The following FLACC1 variants were observed in gnomAD, a reference collection of about 807,000 sequenced individuals.
FLACC1 encodes flagellum associated containing coiled-coil domains 1.
FLACC1 carries 66 observed loss-of-function variants against 62.8 expected under a neutral mutation model. The observed-to-expected ratio is 1.05, with a 90% CI of 0.86 to 1.29. FLACC1 has a LOEUF of 1.29. FLACC1 is among the 50% of genes most tolerant of loss of function. The pLI is 0.00. For synonymous variants in FLACC1, 156 were observed against 161.0 expected, an observed-to-expected ratio of 0.97 and a Z score of 0.24; for missense variants, 452 against 489.1, an observed-to-expected ratio of 0.92 and a Z score of 0.71.
chr2:201,288,811 GTCAAC>G (rs1338141199), intron 14 of FLACC1, 30 bp from the exon 15 acceptor site: 1 of 1,608,574 alleles, frequency 6.2e-7, no homozygotes, highest in Admixed American at 1.7e-5. Context: ...ATGTATCAAT[GTCAAC>G]TCAAAAGCTA....
intron 9 of FLACC1, among the ~76,000 whole-genome samples, chr2:201,318,386 A>T (rs1950341374): frequency 6.6e-6 from 1 of 152,194 alleles, no homozygotes; most frequent in Non-Finnish European, 1.5e-5. Flanking sequence ...CAACAAACTA[A>T]AACAAATTAG....
intron 12 of FLACC1, among the ~76,000 whole-genome samples, chr2:201,290,359 ATAAAGGAAAC>A (rs1416130990): frequency 6.6e-6 from 1 of 151,702 alleles, no homozygotes; most frequent in African/African-American, 2.4e-5. Context: ...GATACTAATA[ATAAAGGAAAC>A]TAGTGGTGGG....
chr2:201,297,616 G>A (rs1380931195), intron 12 of FLACC1, among the ~76,000 whole-genome samples: 2 of 152,174 alleles, frequency 1.3e-5, no homozygotes, highest in South Asian at 2.1e-4. Context: ...TTGGCAACTC[G>A]GAATTTACTT....
intron 8 of FLACC1, 52 bp downstream of exon 8, chr2:201,330,684 T>A: frequency 6.3e-7 from 1 of 1,586,862 alleles, no homozygotes; most frequent in Non-Finnish European, 8.6e-7. Context: ...TTATTAGAAA[T>A]GCCATTGCCT....
chr2:201,291,741 A>G (rs527464501), intron 12 of FLACC1, among the ~76,000 whole-genome samples: 1 of 152,344 alleles, frequency 6.6e-6, no homozygotes, highest in South Asian at 2.1e-4. Flanking sequence ...CTAAAGGAGA[A>G]AGTTCGAACT....
intron 12 of FLACC1, among the ~76,000 whole-genome samples, chr2:201,295,854 A>T (rs1182028255): frequency 2.0e-5 from 3 of 152,260 alleles, no homozygotes; most frequent in African/African-American, 2.4e-5. Context: ...TGGGCAAAGG[A>T]TATGAACAGA....
Position 201,307,719 on chromosome 2 carries a change from C to T in FLACC1, c.776-97G>A. On this transcript the variant is annotated intron_variant, in intron 10 of 14. Coordinates refer to ENST00000392257, the MANE Select transcript of FLACC1 (RefSeq NM_001127391.3). ...ATCTAAAGATAAAAGCAATTCCAGA[C>T]TGTGTCAGACTCAAGGTCATTGCAG... The T allele has an allele frequency of 4.4e-6, 4 of 900,260 alleles. No homozygotes were observed. The South Asian group carries it at 5.7e-5, about 13-fold the overall frequency. The allele number at this position is 900,260 out of a possible 1,614,324, so 55.8% of individuals were successfully genotyped here.
At chr2:201,308,539 T>A (rs945992407) in intron 10 of FLACC1, among the ~76,000 whole-genome samples, 1 of 152,212 alleles carries the variant, frequency 6.6e-6, no homozygotes, top group African/African-American at 2.4e-5. Context: ...CACTCCTACC[T>A]CAACTAGTCT....
chr2:201,362,162 CAGA>C (rs546119335), upstream of FLACC1, among the ~76,000 whole-genome samples: 367 of 152,226 alleles, frequency 2.4e-3, 2 homozygotes, highest in African/African-American at 8.3e-3. Flanking sequence ...TAAACCTCAT[CAGA>C]AGGTTTTTTG....
chr2:201,303,314 A>G (rs1330876503), intron 11 of FLACC1, among the ~76,000 whole-genome samples: 2 of 152,220 alleles, frequency 1.3e-5, no homozygotes, highest in South Asian at 2.1e-4. Context: ...CTATGCAAAT[A>G]AACTAGAAAA....
intron 4 of FLACC1, among the ~76,000 whole-genome samples, chr2:201,347,642 C>CAAAAAAAAAAAAAAA (rs199933300): frequency 1.4e-5 from 2 of 145,540 alleles, no homozygotes; most frequent in Admixed American, 1.4e-4. Flanking sequence ...AAAAACAAAA[C>CAAAAAAAAAAAAAAA]AAAAAAAAGA....
At chr2:201,337,858 T>A (rs983766846) in intron 7 of FLACC1, among the ~76,000 whole-genome samples, 3 of 152,182 alleles carry the variant, frequency 2.0e-5, no homozygotes, top group Admixed American at 2.0e-4. Flanking sequence ...ATGTGATAAC[T>A]CCAGATTTTT....
At chr2:201,296,376 G>T (rs542302500) in intron 12 of FLACC1, among the ~76,000 whole-genome samples, 27 of 152,154 alleles carry the variant, frequency 1.8e-4, no homozygotes, top group African/African-American at 6.5e-4. Context: ...CATGGATGAA[G>T]CTGGAAACCA....
At chr2:201,340,006 A>T (rs1277539099) in intron 7 of FLACC1, among the ~76,000 whole-genome samples, 1 of 152,084 alleles carries the variant, frequency 6.6e-6, no homozygotes, top group Non-Finnish European at 1.5e-5. Context: ...GGCTATGAGA[A>T]GTTGGGTGGT....
At chr2:201,355,688 T>G (rs1224379219) in intron 1 of FLACC1, among the ~76,000 whole-genome samples, 10 of 151,988 alleles carry the variant, frequency 6.6e-5, no homozygotes, top group Admixed American at 6.6e-5. Flanking sequence ...ATCGAGACTC[T>G]GTATCTACAA....
intron 12 of FLACC1, among the ~76,000 whole-genome samples, chr2:201,298,211 C>T (rs898980751): frequency 1.3e-5 from 2 of 152,112 alleles, no homozygotes; most frequent in Non-Finnish European, 2.9e-5. Context: ...GAGGGTATTA[C>T]CTCAATAGTG....
At chr2:201,349,630 T>A (rs1210866604) in intron 3 of FLACC1, among the ~76,000 whole-genome samples, 1 of 152,150 alleles carries the variant, frequency 6.6e-6, no homozygotes, top group African/African-American at 2.4e-5. Flanking sequence ...ATACAAAGAT[T>A]CATACAAAGA....
intron 7 of FLACC1, among the ~76,000 whole-genome samples, chr2:201,334,653 C>T (rs1165351712): frequency 1.3e-5 from 2 of 151,942 alleles, no homozygotes; most frequent in Admixed American, 6.6e-5. Flanking sequence ...CGTGGTGGTG[C>T]ATGCCTGTAA....
upstream of FLACC1, chr2:201,357,421 A>G (rs143088351): frequency 6.6e-6 from 1 of 152,252 alleles, no homozygotes; most frequent in African/African-American, 2.4e-5. Context: ...GTAGCTCCTC[A>G]TTGGCTCAGG....
Sources: gnomAD v4.1 joint callset for allele counts (sites outside exome capture counted in the v4.1 genomes callset) on GRCh38, gnomAD v4.1.1 for gene constraint, MANE v1.5 for transcripts, NCBI Gene and HGNC (gene_info 2026-07-23, HGNC 2026-07-21) for gene names.